Variants in ABCC11 observed in about 807,000 individuals in gnomAD.
ABCC11 encodes ATP binding cassette subfamily C member 11, also known as ATP-binding cassette sub-family C member 11.
In ABCC11, 135 loss-of-function variants were observed where a neutral mutation model predicts 149.3. The ratio of observed to expected loss-of-function variants is 0.90; its 90% CI spans 0.79 to 1.04. The LOEUF is 1.04. Among genes scored for constraint, ABCC11 ranks in the 50% least tolerant of loss-of-function variants. The pLI is 0.00. For synonymous variants in ABCC11, 665 were observed against 671.4 expected (o/e 0.99, Z 0.15); for missense variants, 1,680 against 1,722.1 (o/e 0.98, Z 0.43).
At chr16:48,171,673 T>G (rs1965732243) in intron 26 of ABCC11, among the ~76,000 whole-genome samples, 1 of 152,206 alleles carries the variant, frequency 6.6e-6, no homozygotes, top group Non-Finnish European at 1.5e-5. Flanking sequence ...GAAACCTTTT[T>G]CATCATCCTG....
At chr16:48,238,596 A>G (rs1348387210) in intron 1 of ABCC11, among the ~76,000 whole-genome samples, 2 of 149,306 alleles carry the variant, frequency 1.3e-5, no homozygotes, top group Non-Finnish European at 3.0e-5. Flanking sequence ...ATCCAAAACA[A>G]TTCAAGCAAA....
At chr16:48,210,838 G>A in intron 11 of ABCC11, 110 bp downstream of exon 11, 2 of 1,423,226 alleles carry the variant, frequency 1.4e-6, no homozygotes, top group South Asian at 2.8e-5. Context: ...GAGAGATCTT[G>A]GAGAGGGCAG....
chr16:48,215,227 A>G lies in ABCC11; in HGVS notation c.1069T>C (p.Trp357Arg), dbSNP rs752001689. 1 of 1,613,424 alleles carries G rather than the reference A, an allele frequency of 6.2e-7. No homozygotes were observed. The highest frequency in any genetic ancestry group is 8.5e-7 in the Non-Finnish European group (1 of 1,179,374). ...ATGATTTTTGCAAATGGTTTCTCCC[A>G]TGTGTACATTTTAATCAGCTTAATG... ...TCIKLIKMYT[W>R]EKPFAKIIED... Residue 357 changes from tryptophan to arginine, a missense_variant, in exon 8 of 30, where the codon TGG (tryptophan) becomes CGG (arginine). Physicochemically the swap from Trp to Arg is moderately radical, Grantham distance 101. Transcript: ENST00000356608.
In ABCC11 at chr16:48,198,251, T is replaced by G. The variant is rs566112391; in HGVS notation, c.2107A>C (p.Ile703Leu). ...CAGATTTTCCCATTTTCCAACAAAATGATCTGGCCACAAAATTCTAAGTAC... is the reference window on the plus strand; with the variant it reads ...CAGATTTTCCCATTTTCCAACAAAAGGATCTGGCCACAAAATTCTAAGTAC... ...LQYLEFCGQI[I>L]LLENGKICEN... The change falls in exon 16 of 30, where the codon ATT (isoleucine) becomes CTT (leucine). Residue 703 changes from isoleucine (I) to leucine (L), a missense_variant. Transcript: ENST00000356608. The G allele has an allele frequency of 2.5e-6, 4 of 1,614,136 alleles. No individual in the cohort carries two copies. The South Asian group carries it at 4.4e-5, about 18-fold the overall frequency.
At chr16:48,231,575 G>A (rs777360475) in intron 2 of ABCC11, among the ~76,000 whole-genome samples, 2 of 151,430 alleles carry the variant, frequency 1.3e-5, no homozygotes, top group Non-Finnish European at 2.9e-5. Context: ...GCTGAGGTGG[G>A]AGGATCATTT....
intron 28 of ABCC11, among the ~76,000 whole-genome samples, chr16:48,168,580 G>A (rs552182041): frequency 2.0e-5 from 3 of 152,272 alleles, no homozygotes; most frequent in East Asian, 1.9e-4. Flanking sequence ...GTCTTGCCTC[G>A]CCTACGTAGG....
At chr16:48,228,153 AAG>A (rs1480379484) in intron 3 of ABCC11, among the ~76,000 whole-genome samples, 189 bp from the exon 4 acceptor site, 2 of 152,186 alleles carry the variant, frequency 1.3e-5, no homozygotes, top group Non-Finnish European at 2.9e-5. Context: ...TTTAAACAAA[AAG>A]AGAGAAATTA....
Position 48,222,911 on chromosome 16 carries a change from G to A in ABCC11, c.544-80C>T, listed in dbSNP as rs556626113. On this transcript the variant is annotated intron_variant, in intron 5 of 29. Transcript: ENST00000356608. The stretch of plus-strand genomic sequence containing the variant: ...TGTTTTGTTGCTGGAAGAAGGGTTG[G>A]GAGGTCTGATTCATGCTGGGGGTTT... 40 of 1,239,490 alleles carry A rather than the reference G, an allele frequency of 3.2e-5. No homozygotes were observed. In the African/African-American group the frequency reaches 5.6e-4, roughly 17 times the overall value. 76.8% of individuals were successfully genotyped at this position (1,239,490 alleles called of 1,614,324 possible). A position where few individuals can be genotyped will look rare whatever the true frequency, so the allele number is the denominator to read the frequency against.
chr16:48,244,561 G>A, intron 1 of ABCC11: 1 of 1,535,116 alleles, frequency 6.5e-7, no homozygotes, highest in South Asian at 1.2e-5. Flanking sequence ...ACCATCCTGG[G>A]CGTCATCCCC....
At chr16:48,234,712 T>C (rs1355571585) in intron 1 of ABCC11, among the ~76,000 whole-genome samples, 2 of 152,098 alleles carry the variant, frequency 1.3e-5, no homozygotes, top group African/African-American at 4.8e-5. Context: ...CTGAGAGTCA[T>C]GGAGAGATCT....
Position 48,236,240 on chromosome 16 carries a change from T to A in ABCC11, c.-18-4301A>T, listed in dbSNP as rs999739550. Among the ~76,000 whole-genome samples, 8 of 152,320 alleles carry A rather than the reference T, an allele frequency of 5.3e-5. 1 individual carries two copies. The South Asian group carries it at 1.4e-3, about 28-fold the overall frequency. On this transcript the variant is annotated intron_variant, in intron 1 of 29. Coordinates refer to ENST00000356608, the MANE Select transcript of ABCC11 (RefSeq NM_001370497.1). ...TCCTCAATTTCAGAAGCTAGGATGA[T>A]CCTCTCACCTTGATCTTTGCATTAG... is the stretch of plus-strand genomic sequence containing the variant.
intron 1 of ABCC11, among the ~76,000 whole-genome samples, chr16:48,242,608 G>A (rs570633072): frequency 1.5e-3 from 222 of 152,282 alleles, no homozygotes; most frequent in African/African-American, 5.0e-3. Context: ...TATGCTTACT[G>A]CGGCACTATT....
chr16:48,244,480 C>T, intron 1 of ABCC11: 1 of 1,600,100 alleles, frequency 6.2e-7, no homozygotes. Flanking sequence ...ACCATGCGCA[C>T]CAGCGTGGAC....
intron 4 of ABCC11, among the ~76,000 whole-genome samples, chr16:48,227,562 TAA>T (rs1382693271): frequency 6.6e-6 from 1 of 151,774 alleles, no homozygotes; most frequent in Non-Finnish European, 1.5e-5. Context: ...GTAAGTCTGA[TAA>T]GAGATGTGAA....
chr16:48,244,317 A>C, intron 1 of ABCC11: 1 of 1,169,316 alleles, frequency 8.6e-7, no homozygotes, highest in East Asian at 3.1e-5. Context: ...AGGTTTGGTG[A>C]CTGCGGGGCA....
intron 1 of ABCC11, among the ~76,000 whole-genome samples, chr16:48,243,275 C>A (rs555811224): frequency 1.4e-4 from 22 of 151,762 alleles, no homozygotes; most frequent in Admixed American, 5.2e-4. Context: ...GTTGCGGGTG[C>A]CTGTAGTCCC....
At chr16:48,188,168 C>T (rs766848579) in intron 20 of ABCC11, among the ~76,000 whole-genome samples, 37 of 152,214 alleles carry the variant, frequency 2.4e-4, no homozygotes, top group South Asian at 4.1e-4. Context: ...ACACTGCCTA[C>T]GGGGTAGCCC....
intron 26 of ABCC11, among the ~76,000 whole-genome samples, chr16:48,171,956 C>T (rs111230898): frequency 0.072 from 10,894 of 152,124 alleles, 528 homozygotes; most frequent in Middle Eastern, 0.11. Flanking sequence ...GAGTGAGACT[C>T]GGTCTCAGAA....
At chr16:48,188,669 C>T (rs1479861206) in intron 20 of ABCC11, among the ~76,000 whole-genome samples, 1 of 152,168 alleles carries the variant, frequency 6.6e-6, no homozygotes, top group Non-Finnish European at 1.5e-5. Flanking sequence ...GAGGAAGTGG[C>T]TCTGTAACTT....
Sources: gnomAD v4.1 joint callset for allele counts (sites outside exome capture counted in the v4.1 genomes callset) on GRCh38, gnomAD v4.1.1 for gene constraint, MANE v1.5 for transcripts, NCBI Gene and HGNC (gene_info 2026-07-23, HGNC 2026-07-21) for gene names.